The following ZNF83 variants were observed in gnomAD, a reference collection of about 807,000 sequenced individuals.
ZNF83 encodes zinc finger protein 816B.
For synonymous variants in ZNF83, 209 were observed against 213.0 expected (o/e 0.98, Z 0.17); for missense variants, 552 against 629.9 (o/e 0.88, Z 1.32).
chr19:52,653,370 G>C, intron 3 of ZNF83: 7 of 1,097,890 alleles, frequency 6.4e-6, no homozygotes, highest in South Asian at 2.5e-5. Context: ...AATCACGCTG[G>C]AAAACCTTGC....
At chr19:52,689,954 G>A (rs577323108) in intron 1 of ZNF83, among the ~76,000 whole-genome samples, 189 of 152,292 alleles carry the variant, frequency 1.2e-3, no homozygotes, top group African/African-American at 4.3e-3. Flanking sequence ...GGAGCAGCAG[G>A]GCCCGGCACG....
At chr19:52,665,600 A>G (rs2061639306) in intron 1 of ZNF83, among the ~76,000 whole-genome samples, 1 of 152,102 alleles carries the variant, frequency 6.6e-6, no homozygotes, top group Non-Finnish European at 1.5e-5. Flanking sequence ...CTCATAAAGC[A>G]ACCTTTTTTA....
exon 3 of ZNF83, chr19:52,613,549 T>TG: frequency 1.9e-6 from 3 of 1,614,202 alleles, no homozygotes; most frequent in Non-Finnish European, 2.5e-6. Flanking sequence ...CTCTCCAGTG[T>TG]GGATTCTCCA....
chr19:52,685,110 A>C (rs1474314524), intron 1 of ZNF83, among the ~76,000 whole-genome samples: 1 of 152,094 alleles, frequency 6.6e-6, no homozygotes, highest in Non-Finnish European at 1.5e-5. Context: ...TTAAAATTCT[A>C]GTTACAACTG....
At chr19:52,613,639 C>A (rs143575530) in exon 3 of ZNF83, 36 of 1,613,142 alleles carry the variant, frequency 2.2e-5, no homozygotes, top group Admixed American at 6.7e-5. Context: ...AGTATGAATT[C>A]TCCAGTGATT....
At chr19:52,673,492 T>C (rs1610170) in intron 1 of ZNF83, among the ~76,000 whole-genome samples, 125,836 of 151,970 alleles carry the variant, frequency 0.83, 52,749 homozygotes, top group African/African-American at 0.96. Flanking sequence ...AAGAAGAGTG[T>C]AACTCCATCA....
chr19:52,687,633 GTATA>G (rs35612737), intron 1 of ZNF83, among the ~76,000 whole-genome samples: 11,819 of 27,816 alleles, frequency 0.42, 3,195 homozygotes, highest in Middle Eastern at 0.5. Flanking sequence ...TATATATAAT[GTATA>G]TATATATATA....
chr19:52,652,877 CA>C, intron 3 of ZNF83: 2 of 1,041,308 alleles, frequency 1.9e-6, no homozygotes, highest in South Asian at 2.5e-5. Flanking sequence ...AAGGTCTTGC[CA>C]CACTCATTGC....
chr19:52,676,171 C>T (rs1248610183), intron 1 of ZNF83, among the ~76,000 whole-genome samples: 3 of 152,174 alleles, frequency 2.0e-5, no homozygotes, highest in Admixed American at 6.5e-5. Flanking sequence ...TTGGTGGAGA[C>T]GGGGTTTCGC....
intron 1 of ZNF83, among the ~76,000 whole-genome samples, chr19:52,678,258 C>G (rs2061850774): frequency 6.6e-6 from 1 of 151,624 alleles, no homozygotes; most frequent in African/African-American, 2.4e-5. Context: ...CAAGACCAGA[C>G]TGGCCAAGAT....
chr19:52,676,629 C>A (rs2061813994), intron 1 of ZNF83, among the ~76,000 whole-genome samples: 1 of 149,266 alleles, frequency 6.7e-6, no homozygotes, highest in Non-Finnish European at 1.5e-5. Context: ...GGAGGTGTGC[C>A]CAACAGCTCA....
intron 2 of ZNF83, among the ~76,000 whole-genome samples, chr19:52,619,785 G>T (rs888025807): frequency 6.6e-6 from 1 of 152,206 alleles, no homozygotes; most frequent in African/African-American, 2.4e-5. Context: ...TACATGGGAG[G>T]CTGAGGCCGG....
chr19:52,655,444 A>T, intron 3 of ZNF83: 3 of 979,628 alleles, frequency 3.1e-6, no homozygotes, highest in Non-Finnish European at 4.6e-6. Context: ...TGCAGAAAAC[A>T]ATGACATGTA....
rs1232831589 is a variant in ZNF83 at position 52,687,639 on chromosome 19, A to ATATATATATATATAATGTG, written c.-283+2803_-283+2804insCACATTATATATATATATA. On this transcript the variant is annotated intron_variant, in intron 1 of 5. Coordinates refer to the ZNF83 transcript ENST00000594682. ...GTGTATATATATATATAATGTATATATATATATATATATATATAATGTATA... is the reference window on the plus strand; with the variant it reads ...GTGTATATATATATATAATGTATATATATATATATATATAATGTGTATATATATATATATATAATGTATA... 2.6e-4 allele frequency among the ~76,000 whole-genome samples: 11 copies of ATATATATATATATAATGTG among 42,152 alleles called. 2 individuals are homozygous for ATATATATATATATAATGTG. The African/African-American group carries it at 2.9e-3, about 11-fold the overall frequency. The allele number at this position is 42,152 out of a possible 152,430, so 27.7% of individuals were successfully genotyped here.
chr19:52,628,283 C>T (rs1032094840), intron 2 of ZNF83, among the ~76,000 whole-genome samples: 5 of 152,158 alleles, frequency 3.3e-5, no homozygotes, highest in East Asian at 1.9e-4. Context: ...GATCCACCTA[C>T]GACCTCAGGT....
At chr19:52,689,511 T>G (rs2062108256) in intron 1 of ZNF83, among the ~76,000 whole-genome samples, 1 of 152,040 alleles carries the variant, frequency 6.6e-6, no homozygotes, top group East Asian at 1.9e-4. Context: ...TCCCTCCTCC[T>G]CTCCCTCACC....
chr19:52,644,843 T>C (rs544303953), intron 3 of ZNF83, among the ~76,000 whole-genome samples: 159 of 152,002 alleles, frequency 1.0e-3, no homozygotes, highest in Non-Finnish European at 1.9e-3. Context: ...ACTCCATTTC[T>C]ACTAAAAATA....
chr19:52,645,857 G>GA lies in ZNF83; in HGVS notation c.-74+9703dup, dbSNP rs897398723. 5.7e-4 allele frequency among the ~76,000 whole-genome samples: 85 copies of GA among 147,852 alleles called. 1 individual carries two copies. Among genetic ancestry groups the GA allele is most frequent in the African/African-American group, 3.2e-4 (13 of 40,310 alleles). On this transcript the variant is annotated intron_variant, in intron 3 of 5. Transcript: ENST00000594682. ...AAAATAGAAAAATGAAGAGGAAACAGAAAAAAAAATAAAGTAAATCTATTA... is the reference window on the plus strand; with the variant it reads ...AAAATAGAAAAATGAAGAGGAAACAGAAAAAAAAAATAAAGTAAATCTATTA...
chr19:52,617,929 T>A (rs1299005109), intron 2 of ZNF83: 1 of 152,260 alleles, frequency 6.6e-6, no homozygotes, highest in African/African-American at 2.4e-5. Flanking sequence ...CAGATGGACT[T>A]AGGAAAATAT....
Sources: allele counts gnomAD v4.1 joint callset (sites outside exome capture counted in the v4.1 genomes callset), GRCh38; gene constraint gnomAD v4.1.1; transcripts MANE v1.5; gene names NCBI Gene and HGNC (gene_info 2026-07-23, HGNC 2026-07-21).